The following GPHN variants were observed in gnomAD, a reference collection of about 807,000 sequenced individuals.
The protein encoded by GPHN is gephyrin.
GPHN carries 17 observed loss-of-function variants against 95.5 expected under a neutral mutation model. The observed-to-expected ratio is 0.18, with a 90% CI of 0.12 to 0.27. GPHN has a LOEUF of 0.27. Among genes scored for constraint, GPHN ranks in the 10% least tolerant of loss-of-function variants. The pLI is 1.00. For synonymous variants in GPHN, 320 were observed against 322.5 expected (o/e 0.99, Z 0.08); for missense variants, 660 against 978.1 (o/e 0.67, Z 4.34).
chr14:67,315,572 G>A, the GPHN span, among the ~76,000 whole-genome samples: 339 of 152,114 alleles, frequency 2.2e-3, 1 homozygote, highest in Non-Finnish European at 3.9e-3. Context: ...CACTGCACCC[G>A]ACCCCTTTAA....
At chr14:66,933,991 T>C (rs1326346121) in intron 8 of GPHN, among the ~76,000 whole-genome samples, 1 of 151,730 alleles carries the variant, frequency 6.6e-6, no homozygotes, top group African/African-American at 2.4e-5. Context: ...AATAAAAAAT[T>C]AGCCAGACGT....
chr14:67,446,206 A>C, the GPHN span: 1 of 364,612 alleles, frequency 2.7e-6, no homozygotes. Context: ...CTTGGGCTTC[A>C]GTTTTCTCAT....
the GPHN span, chr14:67,572,036 G>C: frequency 2.7e-6 from 4 of 1,489,542 alleles, no homozygotes; most frequent in Non-Finnish European, 3.6e-6. Context: ...CAGCCCCAGA[G>C]ACCGGGTCCC....
At chr14:67,610,926 C>T in the GPHN span, 1 of 152,212 alleles carries the variant, frequency 6.6e-6, no homozygotes, top group Admixed American at 6.5e-5. Flanking sequence ...TTCTGCGGTT[C>T]TCGATGGTTT....
the GPHN span, chr14:67,383,490 G>C: frequency 3.1e-6 from 5 of 1,605,604 alleles, no homozygotes; most frequent in Admixed American, 8.4e-5. Context: ...AGCGCTTCCT[G>C]GCTGTAAATC....
chr14:66,650,030 G>A (rs1429030192), intron 1 of GPHN, among the ~76,000 whole-genome samples: 1 of 151,306 alleles, frequency 6.6e-6, no homozygotes, highest in Non-Finnish European at 1.5e-5. Context: ...TCACTGGAGA[G>A]CTTCTTTGAA....
At chr14:67,144,775 G>C (rs2080800213) in intron 18 of GPHN, among the ~76,000 whole-genome samples, 1 of 152,160 alleles carries the variant, frequency 6.6e-6, no homozygotes, top group Non-Finnish European at 1.5e-5. Flanking sequence ...TCAGAACTTA[G>C]CAACCTGAAC....
intron 1 of GPHN, among the ~76,000 whole-genome samples, chr14:66,585,367 G>A (rs1023121099): frequency 3.9e-5 from 6 of 151,982 alleles, no homozygotes; most frequent in Non-Finnish European, 8.8e-5. Flanking sequence ...TTTTTGAAGC[G>A]TTTTTTGTGT....
Position 67,124,608 on chromosome 14 carries a change from A to G in GPHN, c.1748+2231A>G, listed in dbSNP as rs116492000. On this transcript the variant is annotated intron_variant, in intron 17 of 22. Coordinates refer to ENST00000478722, the MANE Select transcript of GPHN (RefSeq NM_020806.5). ...GATAAATCCAAGAGTTTGAAAACAC[A>G]AAGATAAGGCAAGCAGGCTTGAAAC... Among the ~76,000 whole-genome samples, 1,079 of 152,282 alleles carry G rather than the reference A, an allele frequency of 7.1e-3. 6 individuals are homozygous for G. The highest frequency in any genetic ancestry group is 0.025 in the African/African-American group (1,030 of 41,544).
At chr14:66,677,103 C>A (rs542490325) in intron 1 of GPHN, among the ~76,000 whole-genome samples, 92 of 151,760 alleles carry the variant, frequency 6.1e-4, no homozygotes, top group African/African-American at 2.1e-3. Flanking sequence ...TCTAGTGGTC[C>A]TTTGTATTTC....
chr14:67,099,772 A>G (rs926379643), intron 12 of GPHN, among the ~76,000 whole-genome samples: 6 of 152,162 alleles, frequency 3.9e-5, no homozygotes, highest in East Asian at 3.8e-4. Flanking sequence ...TAAACGAGCA[A>G]TTAATCTAAT....
intron 1 of GPHN, among the ~76,000 whole-genome samples, chr14:66,598,419 A>G (rs2062075094): frequency 6.6e-6 from 1 of 152,160 alleles, no homozygotes; most frequent in South Asian, 2.1e-4. Context: ...ACTCTGAGAA[A>G]GGCATTAGTT....
rs1005401370 is a variant in GPHN at position 66,936,247 on chromosome 14, C to T, written c.828+11955C>T. ...TACAAAAATTAGCCAGGCGTGGTGGCGGGCACCTGTAATCCCAGCTACTCG... is the reference window on the plus strand; with the variant it reads ...TACAAAAATTAGCCAGGCGTGGTGGTGGGCACCTGTAATCCCAGCTACTCG... On this transcript the variant is annotated intron_variant, in intron 8 of 22. Transcript: ENST00000478722. Among the ~76,000 whole-genome samples, 8 of 151,832 alleles carry T rather than the reference C, an allele frequency of 5.3e-5. No homozygotes were observed. The South Asian group carries it at 6.2e-4, about 12-fold the overall frequency.
At position 66,890,008 on chromosome 14, in the gene GPHN, C is replaced by A. The variant is rs371374749; in HGVS notation, c.389+9975C>A. On this transcript the variant is annotated intron_variant, in intron 5 of 22. Transcript: ENST00000478722. Reference sequence around the variant, plus strand: ...ATTACATGCCAACAAGTTGAATAACCCAGACGAAGTGGACAAACTCCTAGA... The same window carrying A: ...ATTACATGCCAACAAGTTGAATAACACAGACGAAGTGGACAAACTCCTAGA... Among the ~76,000 whole-genome samples, 520 of 152,116 alleles carry A rather than the reference C, an allele frequency of 3.4e-3. 1 individual carries two copies. Among genetic ancestry groups the A allele is most frequent in the African/African-American group, 0.012 (485 of 41,508 alleles).
chr14:67,306,479 G>A, the GPHN span, among the ~76,000 whole-genome samples: 1 of 151,834 alleles, frequency 6.6e-6, no homozygotes, highest in Non-Finnish European at 1.5e-5. Flanking sequence ...AAGTAGCTGG[G>A]ATTACAGGCG....
At chr14:67,317,960 TC>T in the GPHN span, among the ~76,000 whole-genome samples, 1 of 152,218 alleles carries the variant, frequency 6.6e-6, no homozygotes, top group Non-Finnish European at 1.5e-5. Context: ...GGGCTAGTAT[TC>T]CTAGGTGACA....
chr14:66,749,543 G>C (rs1443397851), intron 2 of GPHN, among the ~76,000 whole-genome samples: 1 of 151,768 alleles, frequency 6.6e-6, no homozygotes, highest in Non-Finnish European at 1.5e-5. Context: ...ATTCTAATAG[G>C]CTTATAGTCA....
At chr14:66,863,764 A>T (rs1226585363) in intron 4 of GPHN, among the ~76,000 whole-genome samples, 1 of 152,200 alleles carries the variant, frequency 6.6e-6, no homozygotes, top group African/African-American at 2.4e-5. Context: ...CTGAATATTT[A>T]TATGCAGAAG....
intron 10 of GPHN, among the ~76,000 whole-genome samples, chr14:67,055,630 A>G (rs914797964): frequency 3.9e-5 from 6 of 152,238 alleles, no homozygotes; most frequent in African/African-American, 1.4e-4. Context: ...TTTATTCACA[A>G]TAGCAAAGAC....
Sources: gnomAD v4.1 joint callset for allele counts (sites outside exome capture counted in the v4.1 genomes callset) on GRCh38, gnomAD v4.1.1 for gene constraint, MANE v1.5 for transcripts, NCBI Gene and HGNC (gene_info 2026-07-23, HGNC 2026-07-21) for gene names.